GJD4: variants seen among roughly 807,000 people sequenced by gnomAD.
The protein encoded by GJD4 is gap junction delta-4 protein.
A neutral mutation model predicts 17.9 loss-of-function variants in GJD4; 18 were observed. That is an observed-to-expected ratio of 1.00 (90% CI 0.69 to 1.49). The LOEUF (loss-of-function observed/expected upper bound fraction) is 1.49. Among genes scored for constraint, GJD4 ranks in the 40% most tolerant of loss-of-function variants. The probability of loss-of-function intolerance (pLI) is 0.00; values close to 1 mark genes in which losing one functional copy is unlikely to be tolerated. For missense variants in GJD4, 639 were observed against 506.9 expected (o/e 1.26, Z -2.50); for synonymous variants, 293 against 236.8 (o/e 1.24, Z -2.18).
rs1835493667 is a variant in GJD4 at position 35,608,455 on chromosome 10, C to T, written c.942C>T (p.Pro314=). ...EKLGRQPRGR[P]HREAAQDPRG... is the part of the protein sequence containing the mutation. ...TGGGCAGACAGCCCCGGGGCAGGCC[C>T]CACCGAGAGGCCGCCCAGGACCCCA... Residue 314 remains proline, a synonymous_variant, in exon 2 of 2, where the codon CCC becomes CCT. Coordinates refer to ENST00000321660, the MANE Select transcript of GJD4 (RefSeq NM_153368.3). The T allele has an allele frequency of 2.6e-6, 4 of 1,548,622 alleles. No homozygotes were observed. The highest frequency in any genetic ancestry group is 3.5e-6 in the Non-Finnish European group (4 of 1,146,888).
At position 35,608,155 on chromosome 10, in the gene GJD4, C is replaced by G. The variant is rs774403435; in HGVS notation, c.642C>G (p.Ala214=). Residue 214 remains alanine, a synonymous_variant, in exon 2 of 2, where the codon GCC becomes GCG. Transcript: ENST00000321660. ...CGCTGTCTTTTCTGCTGGGCCTCGC[C>G]GACCTGGTCTGCAGCCTGCGGCGGC... ...VSALSFLLGL[A]DLVCSLRRRM... 6.9e-6 allele frequency: 11 copies of G among 1,605,724 alleles called. No individual in the cohort carries two copies. Among genetic ancestry groups the G allele is most frequent in the South Asian group, 2.2e-5 (2 of 90,254 alleles).
In GJD4 at chr10:35,605,603, C is replaced by T. The variant is rs1359901624; in HGVS notation, c.36C>T (p.Ile12=). 2 of 1,613,982 alleles carry T rather than the reference C, an allele frequency of 1.2e-6. No homozygotes were observed. Among genetic ancestry groups the T allele is most frequent in the East Asian group, 2.2e-5 (1 of 44,876 alleles). ...EGVDLLGFLI[I]TLNCNVTMVG... ...TGGACTTGCTAGGGTTTCTCATCAT[C>T]ACATTAAACTGCAACGTGACCATGG... The change falls in exon 1 of 2, where the codon ATC becomes ATT. Residue 12 remains isoleucine (I), a synonymous_variant. Coordinates refer to ENST00000321660, the MANE Select transcript of GJD4 (RefSeq NM_153368.3).
Position 35,608,219 on chromosome 10 carries a change from A to C in GJD4, c.706A>C (p.Ile236Leu). Reference protein sequence around the residue: ...RRPGPPTSPSIRKQSGASGHA... With the variant: ...RRPGPPTSPSLRKQSGASGHA... ...GCCGGGACCCCCCACAAGCCCCTCC[A>C]TCCGGAAGCAGAGCGGAGCCTCAGG... Residue 236 changes from isoleucine to leucine, a missense_variant, in exon 2 of 2, where the codon ATC (isoleucine) becomes CTC (leucine). Transcript: ENST00000321660. The C allele has an allele frequency of 6.3e-7, 1 of 1,588,608 alleles. No homozygotes were observed. The highest frequency in any genetic ancestry group is 2.3e-5 in the East Asian group (1 of 44,060).
intron 1 of GJD4, chr10:35,606,650 G>T (rs1279324704): frequency 6.6e-6 from 1 of 151,980 alleles, no homozygotes; most frequent in Non-Finnish European, 1.5e-5. Context: ...TTTTTGTTTT[G>T]TTTTTATGAT....
At chr10:35,607,170 A>T (rs1381735303) in intron 1 of GJD4, 1 of 177,454 alleles carries the variant, frequency 5.6e-6, no homozygotes, top group Non-Finnish European at 1.2e-5. Context: ...CTGAATTAGC[A>T]GACAGATTAA....
Position 35,607,848 on chromosome 10 carries a change from C to G in GJD4, c.335C>G (p.Pro112Arg), listed in dbSNP as rs772326760. Residue 112 changes from proline to arginine, a missense_variant, in exon 2 of 2, where the codon CCC becomes CGC. Physicochemically the swap from Pro to Arg is moderately radical, Grantham distance 103. Coordinates refer to ENST00000321660, the MANE Select transcript of GJD4 (RefSeq NM_153368.3). ...TLAALGPRRC[P>R]DPREPASGQR... Reference sequence around the variant, plus strand: ...GCCGCGCTGGGCCCCCGCCGCTGCCCCGACCCCCGGGAGCCGGCCTCCGGG... The same window carrying G: ...GCCGCGCTGGGCCCCCGCCGCTGCCGCGACCCCCGGGAGCCGGCCTCCGGG... The G allele has an allele frequency of 6.3e-7, 1 of 1,599,818 alleles. No homozygotes were observed. The highest frequency in any genetic ancestry group is 8.5e-7 in the Non-Finnish European group (1 of 1,178,344).
chr10:35,605,778 C>A, intron 1 of GJD4, 147 bp downstream of exon 1: 1 of 647,824 alleles, frequency 1.5e-6, no homozygotes, highest in Non-Finnish European at 2.8e-6. Context: ...AAAGAAAGGG[C>A]TGTGCCTTTC....
Position 35,607,955 on chromosome 10 carries a change from C to G in GJD4, c.442C>G (p.Leu148Val). 6.2e-7 allele frequency: 1 copy of G among 1,610,464 alleles called. No homozygotes were observed. Among genetic ancestry groups the G allele is most frequent in the Non-Finnish European group, 8.5e-7 (1 of 1,179,342 alleles). ...TTCGGCCGGCTACATCATCCACCTC[C>G]TCCTCCGGACCCTGCTGGAGGCAGC... ...DFSAGYIIHL[L>V]LRTLLEAAFG... Residue 148 changes from leucine to valine, a missense_variant, in exon 2 of 2, where the codon CTC (leucine) becomes GTC (valine). Transcript: ENST00000321660.
intron 1 of GJD4, chr10:35,606,786 T>C (rs1049075268): frequency 1.3e-5 from 2 of 152,244 alleles, no homozygotes; most frequent in Non-Finnish European, 2.9e-5. Context: ...TTTGGTTTTC[T>C]AGCTTGGTGT....
Position 35,608,140 on chromosome 10 carries a change from T to C in GJD4, c.627T>C (p.Phe209=). 1 of 1,608,808 alleles carries C rather than the reference T, an allele frequency of 6.2e-7. No individual in the cohort carries two copies. The change falls in exon 2 of 2, where the codon TTT becomes TTC. Residue 209 remains phenylalanine, a synonymous_variant. Transcript: ENST00000321660. ...LFLWAVSALS[F]LLGLADLVCS... ...TCTGGGCGGTCAGCGCGCTGTCTTTTCTGCTGGGCCTCGCCGACCTGGTCT... is the reference window on the plus strand; with the variant it reads ...TCTGGGCGGTCAGCGCGCTGTCTTTCCTGCTGGGCCTCGCCGACCTGGTCT...
chr10:35,608,203 C>T lies in GJD4; in HGVS notation c.690C>T (p.Pro230=), dbSNP rs1835487028. Residue 230 remains proline (P), a synonymous_variant, in exon 2 of 2, where the codon CCC becomes CCT. Transcript: ENST00000321660. ...GGCGGATGCGCAGGAGGCCGGGACC[C>T]CCCACAAGCCCCTCCATCCGGAAGC... ...LRRRMRRRPG[P]PTSPSIRKQS... The T allele has an allele frequency of 6.3e-7, 1 of 1,589,774 alleles. No individual in the cohort carries two copies. The highest frequency in any genetic ancestry group is 8.5e-7 in the Non-Finnish European group (1 of 1,173,400).
At position 35,605,646 on chromosome 10, in the gene GJD4, C is replaced by T. The variant is rs778892465; in HGVS notation, c.64+15C>T. The T allele has an allele frequency of 3.8e-6, 6 of 1,593,384 alleles. No homozygotes were observed. The highest frequency in any genetic ancestry group is 5.2e-6 in the Non-Finnish European group (6 of 1,161,170). ...GACCATGGTGGGTGAGTATTGGGAC[C>T]ATCTCCAAACTCCTGCGCTGTTTTT... On this transcript the variant is annotated intron_variant, in intron 1 of 1. Coordinates refer to ENST00000321660, the MANE Select transcript of GJD4 (RefSeq NM_153368.3).
chr10:35,605,352 T>C lies in GJD4; in HGVS notation c.-216T>C, dbSNP rs1835441545. On this transcript the variant is annotated 5_prime_UTR_variant, in exon 1 of 2. Transcript: ENST00000321660. Reference sequence around the variant, plus strand: ...CTGCTTGCTCTGCTGGTCACTGCAGTTGTCAGGAATGTTTCGCCTCAGAGG... The same window carrying C: ...CTGCTTGCTCTGCTGGTCACTGCAGCTGTCAGGAATGTTTCGCCTCAGAGG... 1 of 600,772 alleles carries C rather than the reference T, an allele frequency of 1.7e-6. No individual in the cohort carries two copies. The allele number at this position is 600,772 out of a possible 1,614,324, so 37.2% of individuals were successfully genotyped here. A position where few individuals can be genotyped will look rare whatever the true frequency, so the allele number is the denominator to read the frequency against.
chr10:35,607,796 T>C lies in GJD4; in HGVS notation c.283T>C (p.Tyr95His). 1.9e-6 allele frequency: 3 copies of C among 1,604,966 alleles called. No homozygotes were observed. The highest frequency in any genetic ancestry group is 2.5e-6 in the Non-Finnish European group (3 of 1,179,944). ...VLLPSAVFSV[Y>H]VLHRGATLAA... ...CCTCCCCTCCGCCGTCTTCAGCGTC[T>C]ATGTCCTGCACCGAGGAGCCACGCT... The change falls in exon 2 of 2, where the codon TAT (tyrosine) becomes CAT (histidine). Residue 95 changes from tyrosine to histidine, a missense_variant. Tyr to His is a moderately conservative substitution (Grantham distance 83). Transcript: ENST00000321660.
In GJD4 at chr10:35,607,880, C is replaced by T. The variant is rs563952204; in HGVS notation, c.367C>T (p.Arg123Cys). The T allele has an allele frequency of 3.1e-6, 5 of 1,593,054 alleles. No homozygotes were observed. Among genetic ancestry groups the T allele is most frequent in the South Asian group, 1.1e-5 (1 of 89,910 alleles). ...DPREPASGQR[R>C]CPRPFGERGG... ...CCGGGAGCCGGCCTCCGGGCAGAGA[C>T]GCTGCCCGCGGCCATTCGGGGAGCG... The change falls in exon 2 of 2, where the codon CGC (arginine) becomes TGC (cysteine). Residue 123 changes from arginine (R) to cysteine (C), a missense_variant. Coordinates refer to ENST00000321660, the MANE Select transcript of GJD4 (RefSeq NM_153368.3).
At position 35,608,199 on chromosome 10, in the gene GJD4, G is replaced by A. The variant is rs538629092; in HGVS notation, c.686G>A (p.Gly229Glu). Residue 229 changes from glycine (G) to glutamate (E), a missense_variant, in exon 2 of 2, where the codon GGA becomes GAA. Physicochemically the swap from Gly to Glu is moderately conservative, Grantham distance 98. Transcript: ENST00000321660. ...SLRRRMRRRPGPPTSPSIRKQ... is the reference protein window; with the variant it reads ...SLRRRMRRRPEPPTSPSIRKQ... Reference sequence around the variant, plus strand: ...CGGCGGCGGATGCGCAGGAGGCCGGGACCCCCCACAAGCCCCTCCATCCGG... The same window carrying A: ...CGGCGGCGGATGCGCAGGAGGCCGGAACCCCCCACAAGCCCCTCCATCCGG... 555 of 1,590,476 alleles carry A rather than the reference G, an allele frequency of 3.5e-4. 5 individuals carry two copies. In the South Asian group the frequency reaches 4.7e-3, roughly 13 times the overall value.
Position 35,607,745 on chromosome 10 carries a change from TG to T in GJD4, c.234del (p.Trp78CysfsTer2), listed in dbSNP as rs1465671896. ...VFSPVSHLRFWLIQGVCVLLP... is the reference protein window; with the variant it reads ...VFSPVSHLRFXLIQGVCVLLP... The stretch of plus-strand genomic sequence containing the variant: ...CTCCCCCGTGTCTCACCTGCGGTTC[TG>T]GCTGATCCAGGGCGTGTGCGTCCTC... On this transcript the variant is annotated frameshift_variant, in exon 2 of 2. Transcript: ENST00000321660. LOFTEE classifies it high-confidence loss of function. 6.2e-7 allele frequency: 1 copy of T among 1,613,200 alleles called. No individual in the cohort carries two copies. The highest frequency in any genetic ancestry group is 2.2e-5 in the East Asian group (1 of 44,888).
At chr10:35,605,733 G>T (rs1835447829) in intron 1 of GJD4, 102 bp downstream of exon 1, 2 of 939,186 alleles carry the variant, frequency 2.1e-6, no homozygotes, top group African/African-American at 1.6e-5. Context: ...CATTTTCAGT[G>T]TGCAAGCACC....
rs1294375670 is a variant in GJD4, at chr10:35,605,746, G to A, written c.64+115G>A. ...CTCATTTTCAGTGTGCAAGCACCAA[G>A]CTGAAAGTCCACCCACTCCCAAAAG... On this transcript the variant is annotated intron_variant, in intron 1 of 1. Coordinates refer to ENST00000321660, the MANE Select transcript of GJD4 (RefSeq NM_153368.3). 1.0e-5 allele frequency: 8 copies of A among 772,518 alleles called. No individual in the cohort carries two copies. The East Asian group carries it at 2.0e-4, about 20-fold the overall frequency. The allele number at this position is 772,518 out of a possible 1,614,324, so 47.9% of individuals were successfully genotyped here. A position where few individuals can be genotyped will look rare whatever the true frequency, so the allele number is the denominator to read the frequency against.
Sources: gnomAD v4.1 joint callset for allele counts on GRCh38, gnomAD v4.1.1 for gene constraint, MANE v1.5 for transcripts, NCBI Gene and HGNC (gene_info 2026-07-23, HGNC 2026-07-21) for gene names.